FAM83H: variants seen among roughly 807,000 people sequenced by gnomAD.
FAM83H encodes protein FAM83H.
A neutral mutation model predicts 30.2 loss-of-function variants in FAM83H; 24 were observed. The ratio of observed to expected loss-of-function variants is 0.79; its 90% CI spans 0.57 to 1.12. The LOEUF (loss-of-function observed/expected upper bound fraction) is 1.12. Ranked by LOEUF, FAM83H falls within the 50% of genes most tolerant of loss-of-function variation. FAM83H has a pLI of 0.00. For missense variants in FAM83H, 2,038 were observed against 1,773.9 expected (o/e 1.15, Z -2.67); for synonymous variants, 1,013 against 821.7 (o/e 1.23, Z -3.98).
At chr8:143,732,665 A>C in intron 1 of FAM83H, 1 of 985,348 alleles carries the variant, frequency 1.0e-6, no homozygotes. Context: ...CCAGACCTCC[A>C]ACTGCTTCAT....
In FAM83H at chr8:143,724,142, C is replaced by T. The variant is rs959853902; in HGVS notation, c.*1779G>A. 13 of 152,224 alleles carry T rather than the reference C, an allele frequency of 8.5e-5. No individual in the cohort carries two copies. The highest frequency in any genetic ancestry group is 2.9e-4 in the African/African-American group (12 of 41,434). 9.4% of individuals were successfully genotyped at this position (152,224 alleles called of 1,614,324 possible). On this transcript the variant is annotated 3_prime_UTR_variant, in exon 5 of 5. Coordinates refer to ENST00000388913, the MANE Select transcript of FAM83H (RefSeq NM_198488.5). ...CCACAAGAACATCATGGCCAAGAGA[C>T]GCACAGGCGCATCCCGCTTCCAGGC...
Position 143,730,570 on chromosome 8 carries a change from A to G in FAM83H, c.13T>C (p.Ser5Pro). Residue 5 changes from serine to proline, a missense_variant, in exon 2 of 5, where the codon TCT becomes CCT. Physicochemically the swap from Ser to Pro is moderately conservative, Grantham distance 74 (BLOSUM62 -1). Coordinates refer to ENST00000388913, the MANE Select transcript of FAM83H (RefSeq NM_198488.5). MARRSQSSSQGDNPL... is the reference protein window; with the variant it reads MARRPQSSSQGDNPL... ...TTGTCCCCCTGCGAGGAGCTCTGAGAGCGACGGGCCATGTTGGGGCCAGGG... is the reference window on the plus strand; with the variant it reads ...TTGTCCCCCTGCGAGGAGCTCTGAGGGCGACGGGCCATGTTGGGGCCAGGG... 1.3e-6 allele frequency: 2 copies of G among 1,551,766 alleles called. No homozygotes were observed. Among genetic ancestry groups the G allele is most frequent in the Non-Finnish European group, 1.7e-6 (2 of 1,150,660 alleles).
At position 143,729,168 on chromosome 8, in the gene FAM83H, C is replaced by A. The variant is rs9969600; in HGVS notation, c.603G>T (p.Gln201His). ...ACTCCCGGGAACTCACATCCACGTG[C>A]TGCAGGTTGACACGGCACTTGTCGG... The part of the protein sequence containing the change: ...DMADKCRVNL[Q>H]HVDFLRVRTV... The change falls in exon 3 of 5, where the codon CAG (glutamine) becomes CAT (histidine). Residue 201 changes from glutamine to histidine, a missense_variant. Transcript: ENST00000388913. 1.1e-3 allele frequency: 1,771 copies of A among 1,613,740 alleles called. 3 individuals carry two copies. The highest frequency in any genetic ancestry group is 1.4e-3 in the Non-Finnish European group (1,627 of 1,180,034).
chr8:143,732,573 G>A (rs1818565318), intron 1 of FAM83H: 1 of 985,372 alleles, frequency 1.0e-6, no homozygotes, highest in South Asian at 4.7e-5. Flanking sequence ...TGTGTAATGG[G>A]GGCAGGGACC....
In FAM83H at chr8:143,727,768, C is replaced by T. The variant is rs1322270750; in HGVS notation, c.1693G>A (p.Glu565Lys). The part of the protein sequence containing the change: ...RPGPDPAPEA[E>K]PERRGGPEGR... Reference sequence around the variant, plus strand: ...TCGGGCCCGCCCCTGCGCTCCGGCTCCGCCTCGGGAGCGGGGTCTGGGCCC... The same window carrying T: ...TCGGGCCCGCCCCTGCGCTCCGGCTTCGCCTCGGGAGCGGGGTCTGGGCCC... Residue 565 changes from glutamate to lysine, a missense_variant, in exon 5 of 5, where the codon GAG becomes AAG. Physicochemically the swap from Glu to Lys is moderately conservative, Grantham distance 56. Transcript: ENST00000388913. 1.4e-6 allele frequency: 2 copies of T among 1,464,384 alleles called. No homozygotes were observed. Among genetic ancestry groups the T allele is most frequent in the African/African-American group, 1.5e-5 (1 of 67,138 alleles). The allele number at this position is 1,464,384 out of a possible 1,614,324, so 90.7% of individuals were successfully genotyped here.
rs782713469 is a variant in FAM83H, at chr8:143,728,507, G to T, written c.954C>A (p.Thr318=). Residue 318 remains threonine (T), a synonymous_variant, in exon 5 of 5, where the codon ACC becomes ACA. Coordinates refer to ENST00000388913, the MANE Select transcript of FAM83H (RefSeq NM_198488.5). ...LVGVPGVGAP[T]PFSFPKRAHL... The stretch of plus-strand genomic sequence containing the variant: ...GCGCTCGTTTAGGGAAGGAGAAGGG[G>T]GTTGGCGCCCCGACCCCAGGGACGC... The T allele has an allele frequency of 4.5e-6, 7 of 1,557,396 alleles. No homozygotes were observed. The highest frequency in any genetic ancestry group is 6.1e-6 in the Non-Finnish European group (7 of 1,150,694).
At position 143,727,227 on chromosome 8, in the gene FAM83H, G is replaced by T. The variant is rs1554622413; in HGVS notation, c.2234C>A (p.Ala745Asp). The part of the protein sequence containing the change: ...AELLEKYKGP[A>D]RDPGGGAGAI... ...GCCCGCGCCGCCGCCGGGATCACGGGCTGGGCCCTTGTACTTCTCCAGCAG... is the reference window on the plus strand; with the variant it reads ...GCCCGCGCCGCCGCCGGGATCACGGTCTGGGCCCTTGTACTTCTCCAGCAG... Residue 745 changes from alanine to aspartate, a missense_variant, in exon 5 of 5, where the codon GCC (alanine) becomes GAC (aspartate). Coordinates refer to ENST00000388913, the MANE Select transcript of FAM83H (RefSeq NM_198488.5). 1 of 1,534,488 alleles carries T rather than the reference G, an allele frequency of 6.5e-7. No individual in the cohort carries two copies. Among genetic ancestry groups the T allele is most frequent in the Non-Finnish European group, 8.7e-7 (1 of 1,145,978 alleles).
chr8:143,725,787 C>T lies in FAM83H; in HGVS notation c.*134G>A. 1.4e-6 allele frequency: 2 copies of T among 1,480,576 alleles called. No individual in the cohort carries two copies. The highest frequency in any genetic ancestry group is 1.8e-6 in the Non-Finnish European group (2 of 1,100,842). 91.7% of individuals were successfully genotyped at this position (1,480,576 alleles called of 1,614,324 possible). On this transcript the variant is annotated 3_prime_UTR_variant, in exon 5 of 5. Transcript: ENST00000388913. ...CAGTGGAGCCGAGGTCTGGCGCACTCAGCCAAGCCCCAAGCGGCCGTGGCC... is the reference window on the plus strand; with the variant it reads ...CAGTGGAGCCGAGGTCTGGCGCACTTAGCCAAGCCCCAAGCGGCCGTGGCC...
At position 143,728,559 on chromosome 8, in the gene FAM83H, G is replaced by C. The variant is rs781947548; in HGVS notation, c.902C>G (p.Pro301Arg). 2.5e-6 allele frequency: 4 copies of C among 1,586,476 alleles called. No individual in the cohort carries two copies. The highest frequency in any genetic ancestry group is 3.4e-6 in the Non-Finnish European group (4 of 1,167,444). ...CACGAGAGGCCCGGCCCCGGCATACGGAGCCAGGGCATAGGCGTCCATGCG... is the reference window on the plus strand; with the variant it reads ...CACGAGAGGCCCGGCCCCGGCATACCGAGCCAGGGCATAGGCGTCCATGCG... ...LARMDAYALA[P>R]YAGAGPLVGV... is the part of the protein sequence containing the mutation. The change falls in exon 5 of 5, where the codon CCG (proline) becomes CGG (arginine). Residue 301 changes from proline to arginine, a missense_variant. Pro to Arg is a moderately radical substitution (Grantham distance 103). Transcript: ENST00000388913.
chr8:143,732,632 GCCTCGT>G (rs1554624797), intron 1 of FAM83H: 29 of 985,284 alleles, frequency 2.9e-5, no homozygotes, highest in Non-Finnish European at 3.4e-5. Context: ...CAGCAGACAT[GCCTCGT>G]CCTCACAGGG....
chr8:143,728,727 TGGGG>T lies in FAM83H; in HGVS notation c.738-8_738-5del. On this transcript the variant is annotated splice_region_variant and splice_polypyrimidine_tract_variant and intron_variant, in intron 4 of 4. Transcript: ENST00000388913. ...CTTCTCAAAGGACCACATGAAGCTG[TGGGG>T]GGGTCAGGGCCAGAGTCAAACCGAG... The T allele has an allele frequency of 6.3e-7, 1 of 1,598,504 alleles. No homozygotes were observed. Among genetic ancestry groups the T allele is most frequent in the Non-Finnish European group, 8.5e-7 (1 of 1,179,742 alleles).
rs1486171671 is a variant in FAM83H at position 143,726,298 on chromosome 8, G to A, written c.3163C>T (p.Arg1055Cys). Residue 1055 changes from arginine (R) to cysteine (C), a missense_variant, in exon 5 of 5, where the codon CGT becomes TGT. Arg to Cys is a radical substitution (Grantham distance 180). Transcript: ENST00000388913. ...CCGGGGCTCGGGGCAGGGACCGCAC[G>A]GTGCTTCTGGCCGTGGGCACTGATC... ...EQISAHGQKH[R>C]AVPAPSPGPT... is the part of the protein sequence containing the mutation. 1.4e-5 allele frequency: 23 copies of A among 1,611,976 alleles called. No individual in the cohort carries two copies. Among genetic ancestry groups the A allele is most frequent in the South Asian group, 2.2e-5 (2 of 90,994 alleles).
chr8:143,727,285 C>T lies in FAM83H; in HGVS notation c.2176G>A (p.Val726Met), dbSNP rs1293130871. Residue 726 changes from valine (V) to methionine (M), a missense_variant, in exon 5 of 5, where the codon GTG (valine) becomes ATG (methionine). By Grantham distance (21) the Val-to-Met change is conservative. Coordinates refer to ENST00000388913, the MANE Select transcript of FAM83H (RefSeq NM_198488.5). ...SETLGPGGEA[V>M]RSAASTKVAE... is the part of the protein sequence containing the mutation. ...ACCTTGGTGGAAGCCGCGGAGCGCA[C>T]GGCCTCTCCGCCGGGCCCCAGCGTC... 8 of 1,536,596 alleles carry T rather than the reference C, an allele frequency of 5.2e-6. No homozygotes were observed. The highest frequency in any genetic ancestry group is 1.4e-5 in the African/African-American group (1 of 73,172).
Position 143,728,515 on chromosome 8 carries a change from C to A in FAM83H, c.946G>T (p.Ala316Ser), listed in dbSNP as rs782258252. Reference protein sequence around the residue: ...GPLVGVPGVGAPTPFSFPKRA... With the variant: ...GPLVGVPGVGSPTPFSFPKRA... Reference sequence around the variant, plus strand: ...TTAGGGAAGGAGAAGGGGGTTGGCGCCCCGACCCCAGGGACGCCCACGAGA... The same window carrying A: ...TTAGGGAAGGAGAAGGGGGTTGGCGACCCGACCCCAGGGACGCCCACGAGA... Residue 316 changes from alanine (A) to serine (S), a missense_variant, in exon 5 of 5, where the codon GCG (alanine) becomes TCG (serine). Coordinates refer to ENST00000388913, the MANE Select transcript of FAM83H (RefSeq NM_198488.5). The A allele has an allele frequency of 6.4e-7, 1 of 1,559,130 alleles. No homozygotes were observed. Among genetic ancestry groups the A allele is most frequent in the Non-Finnish European group, 8.7e-7 (1 of 1,151,746 alleles).
rs782556609 is a variant in FAM83H at position 143,730,408 on chromosome 8, C to G, written c.175G>C (p.Glu59Gln). Reference sequence around the variant, plus strand: ...TGTCGGCTCACATGTTCCAGCTCTTCAGGGCACAGGAAGTCTGGTGCCCCC... The same window carrying G: ...TGTCGGCTCACATGTTCCAGCTCTTGAGGGCACAGGAAGTCTGGTGCCCCC... ...TEGAPDFLCP[E>Q]ELEHVSRHLR... The change falls in exon 2 of 5, where the codon GAA becomes CAA. Residue 59 changes from glutamate (E) to glutamine (Q), a missense_variant. Coordinates refer to ENST00000388913, the MANE Select transcript of FAM83H (RefSeq NM_198488.5). The G allele has an allele frequency of 1.9e-6, 3 of 1,613,222 alleles. No homozygotes were observed. Among genetic ancestry groups the G allele is most frequent in the Non-Finnish European group, 2.5e-6 (3 of 1,180,028 alleles).
In FAM83H at chr8:143,727,542, A is replaced by C. The variant is rs1554622649; in HGVS notation, c.1919T>G (p.Val640Gly). 2 of 1,585,892 alleles carry C rather than the reference A, an allele frequency of 1.3e-6. No individual in the cohort carries two copies. The highest frequency in any genetic ancestry group is 2.2e-5 in the South Asian group (2 of 89,966). The change falls in exon 5 of 5, where the codon GTC becomes GGC. Residue 640 changes from valine (V) to glycine (G), a missense_variant. Coordinates refer to ENST00000388913, the MANE Select transcript of FAM83H (RefSeq NM_198488.5). ...FRVPAAFPTK[V>G]PVPGPGSGGN... is the part of the protein sequence containing the mutation. ...GCCGCTGCCCGGGCCTGGCACCGGG[A>C]CCTTGGTGGGGAAGGCTGCTGGGAC...
In FAM83H at chr8:143,726,124, C is replaced by A; in HGVS notation, c.3337G>T (p.Ala1113Ser). 1 of 1,611,500 alleles carries A rather than the reference C, an allele frequency of 6.2e-7. No homozygotes were observed. Among genetic ancestry groups the A allele is most frequent in the Non-Finnish European group, 8.5e-7 (1 of 1,179,342 alleles). Residue 1113 changes from alanine to serine, a missense_variant, in exon 5 of 5, where the codon GCG becomes TCG. Coordinates refer to ENST00000388913, the MANE Select transcript of FAM83H (RefSeq NM_198488.5). ...GRLSRTLPAS[A>S]EERDRLLRRM... Reference sequence around the variant, plus strand: ...CGCAGCAGCCGATCGCGCTCCTCCGCGCTGGCTGGCAGCGTGCGGCTCAGC... The same window carrying A: ...CGCAGCAGCCGATCGCGCTCCTCCGAGCTGGCTGGCAGCGTGCGGCTCAGC...
chr8:143,727,749 C>A lies in FAM83H; in HGVS notation c.1712G>T (p.Gly571Val). 6.6e-7 allele frequency: 1 copy of A among 1,506,454 alleles called. No individual in the cohort carries two copies. 93.3% of individuals were successfully genotyped at this position (1,506,454 alleles called of 1,614,324 possible). A position where few individuals can be genotyped will look rare whatever the true frequency, so the allele number is the denominator to read the frequency against. Residue 571 changes from glycine to valine, a missense_variant, in exon 5 of 5, where the codon GGG becomes GTG. Gly to Val is a moderately radical substitution (Grantham distance 109, BLOSUM62 -3). Coordinates refer to ENST00000388913, the MANE Select transcript of FAM83H (RefSeq NM_198488.5). Reference sequence around the variant, plus strand: ...CCGCAGCCCTGCCCGCCCCTCGGGCCCGCCCCTGCGCTCCGGCTCCGCCTC... The same window carrying A: ...CCGCAGCCCTGCCCGCCCCTCGGGCACGCCCCTGCGCTCCGGCTCCGCCTC... ...APEAEPERRG[G>V]PEGRAGLRRW...
rs1554623241 is a variant in FAM83H, at chr8:143,728,254, C to T, written c.1207G>A (p.Glu403Lys). The stretch of plus-strand genomic sequence containing the variant: ...CTGTGCCGCTTGAAGGCGTCCATCT[C>T]CAGGTGCCGCGCCTGGAAGAAGCCC... ...ARGFFQARHLEMDAFKRHSFA... is the reference protein window; with the variant it reads ...ARGFFQARHLKMDAFKRHSFA... Residue 403 changes from glutamate (E) to lysine (K), a missense_variant, in exon 5 of 5, where the codon GAG becomes AAG. By Grantham distance (56) the Glu-to-Lys change is moderately conservative. Transcript: ENST00000388913. 1 of 1,558,512 alleles carries T rather than the reference C, an allele frequency of 6.4e-7. No homozygotes were observed. The highest frequency in any genetic ancestry group is 8.6e-7 in the Non-Finnish European group (1 of 1,158,708).
Sources: gnomAD v4.1 joint callset for allele counts on GRCh38, gnomAD v4.1.1 for gene constraint, MANE v1.5 for transcripts, NCBI Gene and HGNC (gene_info 2026-07-23, HGNC 2026-07-21) for gene names.